RIOX2: variants seen among roughly 807,000 people sequenced by gnomAD.
RIOX2 encodes ribosomal oxygenase 2.
Under a neutral mutation model 51.2 loss-of-function variants are expected in RIOX2, and 43 were observed. The ratio of observed to expected loss-of-function variants is 0.84; its 90% confidence interval spans 0.66 to 1.08. The LOEUF is 1.08. Among genes scored for constraint, RIOX2 ranks in the 50% least tolerant of loss-of-function variants. The pLI, the probability that RIOX2 is intolerant of heterozygous loss-of-function variation, is 0.00. For missense variants in RIOX2, 566 were observed against 561.7 expected (o/e 1.01, Z -0.08); for synonymous variants, 226 against 218.5 (o/e 1.03, Z -0.30).
At position 97,943,210 on chromosome 3, in the gene RIOX2, G is replaced by T; in HGVS notation, c.*1974C>A. On this transcript the variant is annotated 3_prime_UTR_variant, in exon 10 of 10. Transcript: ENST00000394198. Reference sequence around the variant, plus strand: ...GCCTGAACAAATAATCTTTTCTTTTGGAATTTCTATTTTAGGAGGAAATTA... The same window carrying T: ...GCCTGAACAAATAATCTTTTCTTTTTGAATTTCTATTTTAGGAGGAAATTA... The T allele has an allele frequency of 6.9e-7, 1 of 1,439,526 alleles. No individual in the cohort carries two copies. Among genetic ancestry groups the T allele is most frequent in the South Asian group, 1.2e-5 (1 of 83,902 alleles). 89.2% of individuals were successfully genotyped at this position (1,439,526 alleles called of 1,614,324 possible).
At chr3:97,959,320 T>TTTC in intron 3 of RIOX2, 141 bp from the exon 4 acceptor site, 1 of 846,432 alleles carries the variant, frequency 1.2e-6, no homozygotes, top group East Asian at 3.0e-5. Context: ...TTTTTTTTTT[T>TTTC]TTTTTTTTTT....
intron 8 of RIOX2, 145 bp downstream of exon 8, chr3:97,947,216 T>C (rs1383445713): frequency 4.7e-6 from 3 of 643,556 alleles, no homozygotes; most frequent in East Asian, 2.6e-5. Context: ...GATTTGGTCA[T>C]CATCTGACCT....
chr3:97,957,391 G>T (rs1164231464), intron 4 of RIOX2, among the ~76,000 whole-genome samples: 1 of 151,874 alleles, frequency 6.6e-6, no homozygotes, highest in East Asian at 1.9e-4. Flanking sequence ...AGCTACTCGG[G>T]AGGCTGAGGC....
Position 97,945,288 on chromosome 3 carries a change from TC to T in RIOX2, c.1293del (p.Trp431Ter), listed in dbSNP as rs1433056534. 2 of 1,612,406 alleles carry T rather than the reference TC, an allele frequency of 1.2e-6. No individual in the cohort carries two copies. Among genetic ancestry groups the T allele is most frequent in the Non-Finnish European group, 1.7e-6 (2 of 1,178,978 alleles). On this transcript the variant is annotated frameshift_variant, in exon 10 of 10. Coordinates refer to ENST00000394198, the MANE Select transcript of RIOX2 (RefSeq NM_153182.4). LOFTEE classifies it high-confidence loss of function. ...LSHLDALKQI[W>X]NSPAISVKDL... ...TCCTTGACAGAAATAGCTGGACTAT[TC>T]CAAATTTGCTTCAGTGCATCCAAAT...
chr3:97,958,627 C>CA (rs1274495722), intron 4 of RIOX2, among the ~76,000 whole-genome samples: 3 of 151,962 alleles, frequency 2.0e-5, no homozygotes, highest in East Asian at 3.9e-4. Context: ...GCAACAACAA[C>CA]AAAAAAAACT....
chr3:97,945,323 G>A lies in RIOX2; in HGVS notation c.1259C>T (p.Pro420Leu). Reference sequence around the variant, plus strand: ...CTTCAGTGCATCCAAATGTGACAAAGGGAAGCGAAGTCCATGAAACTGAAA... The same window carrying A: ...CTTCAGTGCATCCAAATGTGACAAAAGGAAGCGAAGTCCATGAAACTGAAA... ...EETEFHGLRF[P>L]LSHLDALKQI... The change falls in exon 10 of 10, where the codon CCT becomes CTT. Residue 420 changes from proline to leucine, a missense_variant. Physicochemically the swap from Pro to Leu is moderately conservative, Grantham distance 98. Coordinates refer to ENST00000394198, the MANE Select transcript of RIOX2 (RefSeq NM_153182.4). 1 of 1,611,056 alleles carries A rather than the reference G, an allele frequency of 6.2e-7. No homozygotes were observed.
chr3:97,962,534 T>G (rs1576013053), intron 2 of RIOX2, among the ~76,000 whole-genome samples: 1 of 151,876 alleles, frequency 6.6e-6, no homozygotes, highest in Non-Finnish European at 1.5e-5. Context: ...ACAGGCTGGG[T>G]AATGTTCCTT....
intron 3 of RIOX2, 22 bp from the exon 4 acceptor site, chr3:97,959,201 G>A (rs373766748): frequency 1.9e-6 from 3 of 1,604,342 alleles, no homozygotes; most frequent in African/African-American, 2.7e-5. Context: ...CAAGGCCCAG[G>A]AGCATCAGAG....
In RIOX2 at chr3:97,942,188, A is replaced by G; in HGVS notation, c.*2996T>C. 1 of 1,062,900 alleles carries G rather than the reference A, an allele frequency of 9.4e-7. No homozygotes were observed. Among genetic ancestry groups the G allele is most frequent in the Admixed American group, 2.6e-5 (1 of 37,918 alleles). 65.8% of individuals were successfully genotyped at this position (1,062,900 alleles called of 1,614,324 possible). A position where few individuals can be genotyped will look rare whatever the true frequency, so the allele number is the denominator to read the frequency against. ...TTTAGATAAGACACACACACACTTC[A>G]TGTCTATGACTTGTTTACCTAAGAT... On this transcript the variant is annotated 3_prime_UTR_variant, in exon 10 of 10. Coordinates refer to ENST00000394198, the MANE Select transcript of RIOX2 (RefSeq NM_153182.4).
Position 97,958,078 on chromosome 3 carries a change from AT to A in RIOX2, c.681+972del, listed in dbSNP as rs764896939. Reference sequence around the variant, plus strand: ...AGGTTACCTTTACTGTTGTTTATTGATTTAAGTCTCCTGTAATATAGGCACC... The same window carrying A: ...AGGTTACCTTTACTGTTGTTTATTGATTAAGTCTCCTGTAATATAGGCACC... On this transcript the variant is annotated intron_variant, in intron 4 of 9. Coordinates refer to ENST00000394198, the MANE Select transcript of RIOX2 (RefSeq NM_153182.4). Among the ~76,000 whole-genome samples, 214 of 152,288 alleles carry A rather than the reference AT, an allele frequency of 1.4e-3. 2 individuals carry two copies. Among genetic ancestry groups the A allele is most frequent in the Non-Finnish European group, 9.8e-4 (67 of 68,022 alleles).
Position 97,959,141 on chromosome 3 carries a change from G to A in RIOX2, c.591C>T (p.Arg197=). Residue 197 remains arginine, a synonymous_variant, in exon 4 of 10, where the codon CGC becomes CGT. Transcript: ENST00000394198. ...CCAGGGGCACAGTGGGGTGGTAGAG[G>A]CGCCAGTGTTTCTCTCCCTCCAGCT... The part of the protein sequence containing the change: ...ILQLEGEKHW[R]LYHPTVPLAR... The A allele has an allele frequency of 6.2e-7, 1 of 1,613,946 alleles. No individual in the cohort carries two copies. The highest frequency in any genetic ancestry group is 8.5e-7 in the Non-Finnish European group (1 of 1,179,956).
Position 97,951,585 on chromosome 3 carries a change from C to T in RIOX2, c.786-697G>A, listed in dbSNP as rs541418705. ...TGCGTGCCGGTGTAAGAAATGCACT[C>T]TGTGGGGATGCTCTCTTTAAACATT... On this transcript the variant is annotated intron_variant, in intron 5 of 9. Coordinates refer to ENST00000394198, the MANE Select transcript of RIOX2 (RefSeq NM_153182.4). Among the ~76,000 whole-genome samples, 9 of 152,314 alleles carry T rather than the reference C, an allele frequency of 5.9e-5. No homozygotes were observed. In the East Asian group the frequency reaches 1.7e-3, roughly 29 times the overall value.
intron 1 of RIOX2, among the ~76,000 whole-genome samples, chr3:97,968,174 C>T (rs1705967857): frequency 6.6e-6 from 1 of 152,158 alleles, no homozygotes; most frequent in African/African-American, 2.4e-5. Context: ...CCCGCGGTGT[C>T]TCCTGGTGGC....
rs1330694076 is a variant in RIOX2 at position 97,945,059 on chromosome 3, G to T, written c.*125C>A. 16 of 770,548 alleles carry T rather than the reference G, an allele frequency of 2.1e-5. No homozygotes were observed. Among genetic ancestry groups the T allele is most frequent in the African/African-American group, 3.6e-5 (2 of 55,622 alleles). The allele number at this position is 770,548 out of a possible 1,614,324, so 47.7% of individuals were successfully genotyped here. A position where few individuals can be genotyped will look rare whatever the true frequency, so the allele number is the denominator to read the frequency against. ...GCCAACTGACCACCTGTAACAGGGA[G>T]GTCTCATGTTTGTTAGTAGATACGC... On this transcript the variant is annotated 3_prime_UTR_variant, in exon 10 of 10. Coordinates refer to ENST00000394198, the MANE Select transcript of RIOX2 (RefSeq NM_153182.4).
chr3:97,961,977 G>A (rs1705695490), intron 2 of RIOX2, among the ~76,000 whole-genome samples: 1 of 152,180 alleles, frequency 6.6e-6, no homozygotes, highest in African/African-American at 2.4e-5. Context: ...CTTTTAAGCA[G>A]GGAAGGACAC....
chr3:97,969,772 C>T (rs1298248758), intron 1 of RIOX2, among the ~76,000 whole-genome samples: 1 of 152,158 alleles, frequency 6.6e-6, no homozygotes, highest in Non-Finnish European at 1.5e-5. Context: ...CCAGTGTGAC[C>T]GCTCGAAGAC....
At chr3:97,961,028 G>A (rs1298794585) in intron 3 of RIOX2, among the ~76,000 whole-genome samples, 1 of 152,054 alleles carries the variant, frequency 6.6e-6, no homozygotes, top group Non-Finnish European at 1.5e-5. Flanking sequence ...CTTATATTAG[G>A]ACAAAAATAA....
At chr3:97,950,685 G>C in intron 6 of RIOX2, 101 bp downstream of exon 6, 2 of 878,366 alleles carry the variant, frequency 2.3e-6, no homozygotes, top group East Asian at 2.4e-5. Flanking sequence ...AGACAAGCCT[G>C]GCTCATGTTG....
intron 1 of RIOX2, among the ~76,000 whole-genome samples, chr3:97,968,801 G>A (rs887991970): frequency 1.3e-5 from 2 of 152,082 alleles, no homozygotes; most frequent in African/African-American, 2.4e-5. Flanking sequence ...ACAAGGTTAA[G>A]AACCACTGTA....
Sources: gnomAD v4.1 joint callset for allele counts (sites outside exome capture counted in the v4.1 genomes callset) on GRCh38, gnomAD v4.1.1 for gene constraint, MANE v1.5 for transcripts, NCBI Gene and HGNC (gene_info 2026-07-23, HGNC 2026-07-21) for gene names.